The following SLC35F4 variants were observed in gnomAD, a reference collection of about 807,000 sequenced individuals.
The protein encoded by SLC35F4 is solute carrier family 35 member F4.
SLC35F4 carries 24 observed loss-of-function variants against 44.2 expected under a neutral mutation model. That is an observed-to-expected ratio of 0.54 (90% CI 0.39 to 0.76). The LOEUF (loss-of-function observed/expected upper bound fraction) is 0.76. Among genes scored for constraint, SLC35F4 ranks in the 30% least tolerant of loss-of-function variants. The pLI is 0.00. For missense variants in SLC35F4, 562 were observed against 586.1 expected (o/e 0.96, Z 0.42); for synonymous variants, 238 against 223.6 (o/e 1.06, Z -0.57).
chr14:57,565,128 C>A (rs191784856), intron 7 of SLC35F4, among the ~76,000 whole-genome samples: 1 of 152,334 alleles, frequency 6.6e-6, no homozygotes, highest in Non-Finnish European at 1.5e-5. Flanking sequence ...GTTATTCATT[C>A]AACTCCTGAT....
intron 1 of SLC35F4, among the ~76,000 whole-genome samples, chr14:57,814,866 A>G (rs1167518968): frequency 6.6e-6 from 1 of 151,856 alleles, no homozygotes; most frequent in Non-Finnish European, 1.5e-5. Flanking sequence ...TGCCGTGGAA[A>G]CTGAAACATC....
chr14:57,621,844 G>A (rs1483866474), intron 1 of SLC35F4, among the ~76,000 whole-genome samples: 1 of 148,868 alleles, frequency 6.7e-6, no homozygotes, highest in African/African-American at 2.5e-5. Flanking sequence ...AAGAGTTCCT[G>A]CACAGCAAAA....
chr14:57,875,868 C>T (rs1245066098), intron 1 of SLC35F4, among the ~76,000 whole-genome samples: 1 of 152,146 alleles, frequency 6.6e-6, no homozygotes, highest in Non-Finnish European at 1.5e-5. Flanking sequence ...TAAATCAATG[C>T]CAATGTTGTT....
intron 1 of SLC35F4, among the ~76,000 whole-genome samples, chr14:57,783,095 A>G (rs866163888): frequency 2.0e-5 from 3 of 152,186 alleles, no homozygotes; most frequent in Non-Finnish European, 4.4e-5. Context: ...TTTTAAAATC[A>G]TATTAAAAAT....
At position 57,572,023 on chromosome 14, in the gene SLC35F4, T is replaced by C. The variant is rs780666401; in HGVS notation, c.808-4A>G. On this transcript the variant is annotated splice_region_variant and splice_polypyrimidine_tract_variant and intron_variant, in intron 4 of 7. Coordinates refer to ENST00000556826, the MANE Select transcript of SLC35F4 (RefSeq NM_001306087.2). The stretch of plus-strand genomic sequence containing the variant: ...TTGCCATTATTGCAGCAACTATCTG[T>C]CAAATAGGATGCAAAGAAACAGAAA... 1.2e-6 allele frequency: 2 copies of C among 1,607,168 alleles called. No individual in the cohort carries two copies. The highest frequency in any genetic ancestry group is 8.5e-7 in the Non-Finnish European group (1 of 1,176,422).
At chr14:57,739,575 AC>A (rs1326340595) in intron 1 of SLC35F4, among the ~76,000 whole-genome samples, 1 of 152,214 alleles carries the variant, frequency 6.6e-6, no homozygotes, top group Non-Finnish European at 1.5e-5. Flanking sequence ...AAAGCCAGAA[AC>A]CAAGGATCCT....
chr14:57,729,244 T>G (rs1053751135), intron 1 of SLC35F4, among the ~76,000 whole-genome samples: 3 of 152,186 alleles, frequency 2.0e-5, no homozygotes, highest in African/African-American at 7.2e-5. Context: ...GTGGCTGAGC[T>G]GGTATTTGGA....
chr14:57,894,831 A>G (rs1172608455), intron 1 of SLC35F4, among the ~76,000 whole-genome samples: 1 of 152,192 alleles, frequency 6.6e-6, no homozygotes, highest in East Asian at 1.9e-4. Context: ...ACCTGAAAAA[A>G]GTAATAAAAG....
intron 1 of SLC35F4, among the ~76,000 whole-genome samples, chr14:57,784,038 A>G (rs2077695406): frequency 6.6e-6 from 1 of 152,210 alleles, no homozygotes; most frequent in Admixed American, 6.5e-5. Context: ...ACTTCACAGG[A>G]TTTATGACAG....
chr14:57,925,477 A>G (rs960425177), intron 1 of SLC35F4, among the ~76,000 whole-genome samples: 2 of 106,826 alleles, frequency 1.9e-5, no homozygotes, highest in African/African-American at 7.0e-5. Flanking sequence ...TGGGAAGGAA[A>G]GAAGGAAGGA....
chr14:57,797,243 C>T (rs1047332068), intron 1 of SLC35F4, among the ~76,000 whole-genome samples: 3 of 152,192 alleles, frequency 2.0e-5, no homozygotes, highest in African/African-American at 7.2e-5. Context: ...ACACTTGCTG[C>T]CTGCTGGGCA....
At chr14:57,714,196 C>A (rs2075880137) in intron 1 of SLC35F4, among the ~76,000 whole-genome samples, 1 of 152,122 alleles carries the variant, frequency 6.6e-6, no homozygotes, top group African/African-American at 2.4e-5. Flanking sequence ...AATCATTATT[C>A]TTTGACCCAT....
At chr14:57,797,228 G>A (rs936719463) in intron 1 of SLC35F4, among the ~76,000 whole-genome samples, 7 of 152,174 alleles carry the variant, frequency 4.6e-5, no homozygotes, top group Non-Finnish European at 2.9e-5. Flanking sequence ...GCTAGCAGAG[G>A]ATGGACACTT....
intron 1 of SLC35F4, among the ~76,000 whole-genome samples, chr14:57,728,941 G>A (rs1158637145): frequency 6.6e-6 from 1 of 152,142 alleles, no homozygotes; most frequent in Non-Finnish European, 1.5e-5. Flanking sequence ...TTATTCTAGG[G>A]TAAAAGTTTT....
chr14:57,707,417 G>T (rs973627896), intron 1 of SLC35F4, among the ~76,000 whole-genome samples: 1 of 152,126 alleles, frequency 6.6e-6, no homozygotes, highest in Non-Finnish European at 1.5e-5. Context: ...CGTTTTAAAA[G>T]CATCTGGCAT....
chr14:57,942,791 A>G (rs188672770), intron 1 of SLC35F4, among the ~76,000 whole-genome samples: 2 of 152,346 alleles, frequency 1.3e-5, no homozygotes, highest in Admixed American at 1.3e-4. Context: ...TGCTCTCACA[A>G]TGAAAATGTA....
intron 1 of SLC35F4, among the ~76,000 whole-genome samples, chr14:57,719,099 T>A (rs1374511720): frequency 6.6e-6 from 1 of 152,192 alleles, no homozygotes; most frequent in Non-Finnish European, 1.5e-5. Flanking sequence ...ATACTGTCTT[T>A]CCCCAGTGTA....
At position 57,948,868 on chromosome 14, in the gene SLC35F4, T is replaced by A. The variant is rs530283555; in HGVS notation, n.282+33045A>T. Among the ~76,000 whole-genome samples the A allele has an allele frequency of 1.1e-3, 169 of 152,320 alleles. 1 individual carries two copies. The highest frequency in any genetic ancestry group is 4.0e-3 in the African/African-American group (166 of 41,596). ...TTAAAAGTCCCTTTTGAAGTTAATT[T>A]CTAGTTTTATTACACTGTGGTCTGA... On this transcript the variant is annotated intron_variant and non_coding_transcript_variant, in intron 1 of 1. Coordinates refer to the SLC35F4 transcript ENST00000556568.
At chr14:57,913,716 T>C (rs560134035) in intron 1 of SLC35F4, among the ~76,000 whole-genome samples, 1 of 152,342 alleles carries the variant, frequency 6.6e-6, no homozygotes, top group African/African-American at 2.4e-5. Context: ...TCTGTTATAT[T>C]AATTTGGAAT....
Sources: allele counts gnomAD v4.1 joint callset (sites outside exome capture counted in the v4.1 genomes callset), GRCh38; gene constraint gnomAD v4.1.1; transcripts MANE v1.5; gene names NCBI Gene and HGNC (gene_info 2026-07-23, HGNC 2026-07-21).